The following NFIC variants were observed in gnomAD, a reference collection of about 807,000 sequenced individuals.
The protein encoded by NFIC is nuclear factor I C.
In NFIC, 12 loss-of-function variants were observed where a neutral mutation model predicts 54.4. The ratio of observed to expected loss-of-function variants is 0.22; its 90% CI spans 0.14 to 0.36. NFIC has a LOEUF of 0.36. Among genes scored for constraint, NFIC ranks in the 10% least tolerant of loss-of-function variants. The pLI is 1.00. For missense variants in NFIC, 575 were observed against 718.2 expected (o/e 0.80, Z 2.28); for synonymous variants, 322 against 319.2 (o/e 1.01, Z -0.09).
chr19:3,428,141 G>A (rs1405637785), intron 3 of NFIC, among the ~76,000 whole-genome samples: 1 of 147,820 alleles, frequency 6.8e-6, no homozygotes, highest in Non-Finnish European at 1.5e-5. Flanking sequence ...TTGCACTCTA[G>A]CCTGGGCAAC....
At chr19:3,372,800 T>G (rs957934966) in intron 1 of NFIC, among the ~76,000 whole-genome samples, 1 of 150,526 alleles carries the variant, frequency 6.6e-6, no homozygotes, top group Non-Finnish European at 1.5e-5. Flanking sequence ...TGCCTCAGTC[T>G]CCTCCTCGAG....
intron 2 of NFIC, among the ~76,000 whole-genome samples, chr19:3,394,519 A>ACACCCCC (rs1555744611): frequency 6.3e-5 from 3 of 47,308 alleles, no homozygotes; most frequent in African/African-American, 4.1e-4. Flanking sequence ...TCTTTTCCCC[A>ACACCCCC]CCCACCCCCC....
intron 2 of NFIC, 27 bp downstream of exon 2, chr19:3,382,270 G>C: frequency 6.3e-7 from 1 of 1,586,498 alleles, no homozygotes; most frequent in Non-Finnish European, 8.5e-7. Context: ...TGAGCGGAGC[G>C]GCCAGCGGGG....
At chr19:3,386,634 TTTTA>T (rs754294103) in intron 2 of NFIC, among the ~76,000 whole-genome samples, 21 of 152,078 alleles carry the variant, frequency 1.4e-4, no homozygotes, top group Non-Finnish European at 2.5e-4. Flanking sequence ...GTTGTACGCA[TTTTA>T]CAGAGGAGGA....
At chr19:3,436,161 T>TTTGTTTGTTTC (rs1568181965) in intron 6 of NFIC, among the ~76,000 whole-genome samples, 94 of 106,498 alleles carry the variant, frequency 8.8e-4, no homozygotes, top group African/African-American at 4.1e-3. Flanking sequence ...TTGTTTGTTT[T>TTTGTTTGTTTC]TGAAACGGAG....
chr19:3,395,230 A>G (rs1317339371), intron 2 of NFIC, among the ~76,000 whole-genome samples: 4 of 152,050 alleles, frequency 2.6e-5, no homozygotes, highest in Admixed American at 6.6e-5. Context: ...GTGGTGGTGC[A>G]CACCTGTAAT....
intron 2 of NFIC, among the ~76,000 whole-genome samples, chr19:3,395,573 T>C (rs1459502043): frequency 6.6e-6 from 1 of 150,966 alleles, no homozygotes; most frequent in Non-Finnish European, 1.5e-5. Flanking sequence ...CATAGCTCAC[T>C]GCAGCCTCAA....
chr19:3,467,049 T>G lies in NFIC; in HGVS notation c.*4280T>G, dbSNP rs1472640799. On this transcript the variant is annotated 3_prime_UTR_variant, in exon 11 of 11. Coordinates refer to ENST00000443272, the MANE Select transcript of NFIC (RefSeq NM_001245002.2). The stretch of plus-strand genomic sequence containing the variant: ...CCGTGCCCATCTCTGCAGTTTGGGT[T>G]CACAAAAGGGGGTGCCGTCATCCCT... The G allele has an allele frequency of 6.6e-6, 1 of 152,054 alleles. No individual in the cohort carries two copies. The highest frequency in any genetic ancestry group is 1.5e-5 in the Non-Finnish European group (1 of 68,016). 9.4% of individuals were successfully genotyped at this position (152,054 alleles called of 1,614,324 possible).
chr19:3,437,237 G>A (rs1046641035), intron 6 of NFIC, among the ~76,000 whole-genome samples: 8 of 152,050 alleles, frequency 5.3e-5, no homozygotes, highest in African/African-American at 1.4e-4. Context: ...GCGTGGCGGC[G>A]GGTGCCTGTA....
intron 2 of NFIC, among the ~76,000 whole-genome samples, chr19:3,401,326 G>A (rs1237441971): frequency 6.6e-6 from 1 of 152,118 alleles, no homozygotes; most frequent in African/African-American, 2.4e-5. Context: ...ACAGACTGTG[G>A]GGGGTGAGGG....
chr19:3,393,004 G>T (rs1009300689), intron 2 of NFIC, among the ~76,000 whole-genome samples: 1 of 152,150 alleles, frequency 6.6e-6, no homozygotes, highest in East Asian at 1.9e-4. Flanking sequence ...ACAGTGGCGC[G>T]ATCTCGGCTC....
upstream of NFIC, chr19:3,366,452 G>A (rs898415964): frequency 3.8e-5 from 19 of 502,730 alleles, 1 homozygote; most frequent in Non-Finnish European, 6.3e-5. Context: ...AGCGAGGCGG[G>A]CGGCGCGAGA....
At chr19:3,381,681 G>T in intron 1 of NFIC, 31 bp from the exon 2 acceptor site, 1 of 1,608,196 alleles carries the variant, frequency 6.2e-7, no homozygotes, top group African/African-American at 1.3e-5. Flanking sequence ...CGTCCCTGGC[G>T]CTCCTGACCT....
Position 3,463,026 on chromosome 19 carries a change from C to G in NFIC, c.*257C>G, listed in dbSNP as rs1022365905. The stretch of plus-strand genomic sequence containing the variant: ...ACAAAAGGTAAAGACGCAACGTTTC[C>G]AACTCTCGGGACGCCAAGGCCGCAG... On this transcript the variant is annotated 3_prime_UTR_variant, in exon 11 of 11. Transcript: ENST00000443272. 9.6e-6 allele frequency: 13 copies of G among 1,357,302 alleles called. No individual in the cohort carries two copies. The highest frequency in any genetic ancestry group is 1.1e-5 in the Non-Finnish European group (12 of 1,059,186). 84.1% of individuals were successfully genotyped at this position (1,357,302 alleles called of 1,614,324 possible). A position where few individuals can be genotyped will look rare whatever the true frequency, so the allele number is the denominator to read the frequency against.
Position 3,464,742 on chromosome 19 carries a change from T to TCC in NFIC, c.*1977_*1978dup, listed in dbSNP as rs963422386. On this transcript the variant is annotated 3_prime_UTR_variant, in exon 11 of 11. Coordinates refer to ENST00000443272, the MANE Select transcript of NFIC (RefSeq NM_001245002.2). ...TCCTAAAGAGAAAGACCCAGGACCC[T>TCC]CCCCCATCACCCCCAAGAGAGGTTC... is the stretch of plus-strand genomic sequence containing the variant. The TCC allele has an allele frequency of 3.1e-4, 309 of 982,784 alleles. No homozygotes were observed. The highest frequency in any genetic ancestry group is 3.4e-4 in the Non-Finnish European group (285 of 828,230). 60.9% of individuals were successfully genotyped at this position (982,784 alleles called of 1,614,324 possible).
intron 2 of NFIC, among the ~76,000 whole-genome samples, chr19:3,424,216 C>T (rs960356440): frequency 7.2e-5 from 11 of 151,926 alleles, no homozygotes; most frequent in South Asian, 2.1e-4. Context: ...TTAGTAGAGA[C>T]GGGGTTTTGC....
Position 3,468,920 on chromosome 19 carries a change from G to A in NFIC, c.*6151G>A, listed in dbSNP as rs1029309500. ...GACAGCGAGGACAGGAGGGGGACAA[G>A]GGGACACCTGGGCAGACCCGCCGGC... On this transcript the variant is annotated 3_prime_UTR_variant, in exon 11 of 11. Coordinates refer to ENST00000443272, the MANE Select transcript of NFIC (RefSeq NM_001245002.2). 7.9e-5 allele frequency: 12 copies of A among 152,246 alleles called. No homozygotes were observed. The highest frequency in any genetic ancestry group is 5.9e-4 in the Admixed American group (9 of 15,298). 9.4% of individuals were successfully genotyped at this position (152,246 alleles called of 1,614,324 possible).
At chr19:3,365,563 A>G (rs968482803), upstream of NFIC, among the ~76,000 whole-genome samples, 5 of 152,166 alleles carry the variant, frequency 3.3e-5, no homozygotes, top group Admixed American at 2.6e-4. Context: ...TACGTCTAGA[A>G]GGAGAACAGA....
intron 1 of NFIC, 82 bp from the exon 2 acceptor site, chr19:3,381,630 C>T (rs2081210015): frequency 6.6e-7 from 1 of 1,513,586 alleles, no homozygotes; most frequent in Non-Finnish European, 8.8e-7. Context: ...AGGGCCCCTC[C>T]GACCTCAGCC....
Sources: allele counts gnomAD v4.1 joint callset (sites outside exome capture counted in the v4.1 genomes callset), GRCh38; gene constraint gnomAD v4.1.1; transcripts MANE v1.5; gene names NCBI Gene and HGNC (gene_info 2026-07-23, HGNC 2026-07-21).